PCDHA3: variants seen among roughly 807,000 people sequenced by gnomAD.
PCDHA3 encodes the protein protocadherin alpha-3.
Under a neutral mutation model 62.2 loss-of-function variants are expected in PCDHA3, and 41 were observed. The ratio of observed to expected loss-of-function variants is 0.66; its 90% CI spans 0.51 to 0.86. PCDHA3 has a LOEUF of 0.86. PCDHA3 is among the 40% of genes least tolerant of loss of function. PCDHA3 has a pLI of 0.00. For synonymous variants in PCDHA3, 640 were observed against 555.4 expected (o/e 1.15, Z -2.14); for missense variants, 1,304 against 1,241.2 (o/e 1.05, Z -0.76).
chr5:140,947,083 A>T (rs1268359945), intron 1 of PCDHA3, among the ~76,000 whole-genome samples: 1 of 151,728 alleles, frequency 6.6e-6, no homozygotes, highest in African/African-American at 2.4e-5. Context: ...TTGAAACATC[A>T]GACTGTAGCC....
Position 140,838,087 on chromosome 5 carries a change from T to A in PCDHA3, c.2394+34496T>A, listed in dbSNP as rs1474008542. On this transcript the variant is annotated intron_variant, in intron 1 of 3. Coordinates refer to ENST00000522353, the MANE Select transcript of PCDHA3 (RefSeq NM_018906.3). Reference sequence around the variant, plus strand: ...AAGTTATATATATATAGTGTGTGTGTGTGTGTGTGTGTGTGTGTGTGTGTG... The same window carrying A: ...AAGTTATATATATATAGTGTGTGTGAGTGTGTGTGTGTGTGTGTGTGTGTG... Among the ~76,000 whole-genome samples the A allele has an allele frequency of 7.9e-4, 77 of 97,646 alleles. 1 individual carries two copies. Among genetic ancestry groups the A allele is most frequent in the South Asian group, 3.4e-3 (11 of 3,264 alleles). 64.1% of individuals were successfully genotyped at this position (97,646 alleles called of 152,430 possible).
At chr5:141,007,660 T>C (rs1392469115) in intron 3 of PCDHA3, among the ~76,000 whole-genome samples, 2 of 152,074 alleles carry the variant, frequency 1.3e-5, no homozygotes, top group Admixed American at 6.5e-5. Flanking sequence ...AAACCATAAA[T>C]TTACAAAGAC....
intron 1 of PCDHA3, chr5:140,870,876 G>T: frequency 1.2e-6 from 2 of 1,613,958 alleles, no homozygotes; most frequent in Non-Finnish European, 1.7e-6. Flanking sequence ...ACGTGGTGGC[G>T]AAGGTGCGCG....
chr5:140,882,897 T>A, intron 1 of PCDHA3: 1 of 1,614,220 alleles, frequency 6.2e-7, no homozygotes, highest in South Asian at 1.1e-5. Context: ...GAACATAGTT[T>A]ATTACTGACA....
intron 1 of PCDHA3, among the ~76,000 whole-genome samples, chr5:140,902,351 A>C (rs1554190404): frequency 1.3e-5 from 2 of 151,346 alleles, no homozygotes; most frequent in African/African-American, 4.9e-5. Context: ...GAAGCCCTTT[A>C]TTTCTTTCTC....
chr5:140,910,972 G>T (rs533796834), intron 1 of PCDHA3, among the ~76,000 whole-genome samples: 1 of 152,124 alleles, frequency 6.6e-6, no homozygotes, highest in African/African-American at 2.4e-5. Flanking sequence ...CCTCCTCATG[G>T]GTTATACTCT....
At chr5:140,843,177 G>A (rs1778635433) in intron 1 of PCDHA3, 1 of 1,596,058 alleles carries the variant, frequency 6.3e-7, no homozygotes, top group Non-Finnish European at 8.6e-7. Context: ...AGCAGCCCTC[G>A]CATCCCGTTC....
Position 140,855,115 on chromosome 5 carries a change from T to G in PCDHA3, c.2394+51524T>G, listed in dbSNP as rs1220920177. On this transcript the variant is annotated intron_variant, in intron 1 of 3. Coordinates refer to ENST00000522353, the MANE Select transcript of PCDHA3 (RefSeq NM_018906.3). ...TGTGCAGTAGCAATAATTAAGGCAT[T>G]CTATAGGTAATAATTTTGCCTGATG... 1.3e-5 allele frequency among the ~76,000 whole-genome samples: 2 copies of G among 149,816 alleles called. 1 individual carries two copies. The highest frequency in any genetic ancestry group is 3.0e-5 in the Non-Finnish European group (2 of 67,072).
At chr5:141,001,822 TGACAGAGAGGGA>T (rs541215764) in intron 3 of PCDHA3, among the ~76,000 whole-genome samples, 203 of 152,310 alleles carry the variant, frequency 1.3e-3, no homozygotes, top group African/African-American at 4.5e-3. Context: ...GGCCAAATTC[TGACAGAGAGGGA>T]GACAGAGAGA....
At chr5:140,828,675 T>C in intron 1 of PCDHA3, 13 of 1,614,212 alleles carry the variant, frequency 8.1e-6, no homozygotes, top group Non-Finnish European at 9.3e-6. Flanking sequence ...ATTGGGCTCT[T>C]ATTAAAGAAA....
intron 1 of PCDHA3, chr5:140,861,156 A>T (rs782717452): frequency 6.5e-6 from 1 of 154,840 alleles, no homozygotes; most frequent in Non-Finnish European, 1.4e-5. Context: ...ACAAGGACCA[A>T]AAGGTCTCAG....
At chr5:141,005,527 C>A (rs1448254191) in intron 3 of PCDHA3, among the ~76,000 whole-genome samples, 1 of 151,230 alleles carries the variant, frequency 6.6e-6, no homozygotes, top group Non-Finnish European at 1.5e-5. Context: ...CACGGTGAAA[C>A]CCCGTCTCTA....
At chr5:140,854,274 T>A in intron 1 of PCDHA3, 1 of 562,280 alleles carries the variant, frequency 1.8e-6, no homozygotes, top group Non-Finnish European at 2.3e-6. Context: ...TAGTAGAAAT[T>A]GAGTTTAGTT....
chr5:140,835,875 C>T (rs1356053208), intron 1 of PCDHA3: 3 of 1,611,846 alleles, frequency 1.9e-6, no homozygotes, highest in African/African-American at 2.7e-5. Flanking sequence ...GGTGGAGCTG[C>T]GGGTGGGCGA....
At chr5:140,894,317 A>G (rs2064424513) in intron 1 of PCDHA3, among the ~76,000 whole-genome samples, 1 of 152,034 alleles carries the variant, frequency 6.6e-6, no homozygotes, top group Non-Finnish European at 1.5e-5. Flanking sequence ...TTCTTAAATT[A>G]TAGATTTTAG....
intron 1 of PCDHA3, chr5:140,866,000 TAA>T (rs1485805064): frequency 6.6e-6 from 1 of 152,190 alleles, no homozygotes; most frequent in Non-Finnish European, 1.5e-5. Flanking sequence ...TTTTTTATGT[TAA>T]GTGATTTTTT....
intron 1 of PCDHA3, among the ~76,000 whole-genome samples, chr5:140,960,972 T>C (rs936519951): frequency 6.6e-6 from 1 of 152,188 alleles, no homozygotes; most frequent in South Asian, 2.1e-4. Flanking sequence ...GCAGTTGCAA[T>C]TCTTGTTCCA....
intron 1 of PCDHA3, among the ~76,000 whole-genome samples, chr5:140,931,837 G>A (rs1422066331): frequency 6.6e-6 from 1 of 151,798 alleles, no homozygotes; most frequent in Non-Finnish European, 1.5e-5. Flanking sequence ...TATCCTGAAT[G>A]CCTTAATAAC....
chr5:140,850,744 ACTCG>A lies in PCDHA3; in HGVS notation c.2394+47155_2394+47158del, dbSNP rs2041800778. ...TCTAGCGCGGTGGGGAGTTGGTCGT[ACTCG>A]CAGCAGAGGAGGCAGAGGGTGTGCT... On this transcript the variant is annotated intron_variant, in intron 1 of 3. Coordinates refer to ENST00000522353, the MANE Select transcript of PCDHA3 (RefSeq NM_018906.3). 1.3e-6 allele frequency: 2 copies of A among 1,597,470 alleles called. 1 individual carries two copies. The highest frequency in any genetic ancestry group is 2.7e-5 in the African/African-American group (2 of 74,012).
Sources: gnomAD v4.1 joint callset for allele counts (sites outside exome capture counted in the v4.1 genomes callset) on GRCh38, gnomAD v4.1.1 for gene constraint, MANE v1.5 for transcripts, NCBI Gene and HGNC (gene_info 2026-07-23, HGNC 2026-07-21) for gene names.